Variants in GALNT13 observed in about 807,000 individuals in gnomAD.
The protein encoded by GALNT13 is UDP-GalNAc:polypeptide N-acetylgalactosaminyltransferase 13.
In GALNT13, 28 loss-of-function variants were observed where a neutral mutation model predicts 64.2. The observed-to-expected ratio is 0.44, with a 90% CI of 0.32 to 0.60. GALNT13 has a LOEUF of 0.60. GALNT13 is among the 20% of genes least tolerant of loss of function. The pLI, the probability that GALNT13 is intolerant of heterozygous loss-of-function variation, is 0.05. For missense variants in GALNT13, 577 were observed against 669.8 expected (o/e 0.86, Z 1.53); for synonymous variants, 214 against 224.6 (o/e 0.95, Z 0.42).
At chr2:153,864,411 T>G in the GALNT13 span, among the ~76,000 whole-genome samples, 1 of 152,178 alleles carries the variant, frequency 6.6e-6, no homozygotes, top group Non-Finnish European at 1.5e-5. Flanking sequence ...AGGTATTTTA[T>G]TCTCTTTGAA....
chr2:153,953,568 G>A (rs1210230278), intron 3 of GALNT13, among the ~76,000 whole-genome samples: 2 of 152,134 alleles, frequency 1.3e-5, no homozygotes, highest in Non-Finnish European at 2.9e-5. Context: ...TCTGTCATCA[G>A]TAAATACCGG....
At chr2:153,787,105 A>T in the GALNT13 span, among the ~76,000 whole-genome samples, 2 of 152,058 alleles carry the variant, frequency 1.3e-5, no homozygotes. Flanking sequence ...AGAAAACATA[A>T]ACCCTGAGAT....
At chr2:153,137,399 T>C in the GALNT13 span, among the ~76,000 whole-genome samples, 1 of 152,098 alleles carries the variant, frequency 6.6e-6, no homozygotes, top group Non-Finnish European at 1.5e-5. Flanking sequence ...CTTAAGGATC[T>C]ATCTTGATTA....
chr2:153,248,726 T>G, the GALNT13 span, among the ~76,000 whole-genome samples: 10 of 145,406 alleles, frequency 6.9e-5, no homozygotes, highest in South Asian at 1.7e-3. Flanking sequence ...TGAGGCAGGA[T>G]AATGGCGTGA....
chr2:153,737,308 T>C, the GALNT13 span, among the ~76,000 whole-genome samples: 2 of 152,318 alleles, frequency 1.3e-5, no homozygotes, highest in South Asian at 2.1e-4. Context: ...TTTTTACTCT[T>C]GTTTTCTCTA....
At chr2:154,071,986 T>C (rs1401515) in intron 3 of GALNT13, among the ~76,000 whole-genome samples, 113,800 of 152,010 alleles carry the variant, frequency 0.75, 42,981 homozygotes, top group East Asian at 0.96. Flanking sequence ...TATAGTGCTT[T>C]TGGCTGTGAG....
At chr2:153,628,000 A>G in the GALNT13 span, among the ~76,000 whole-genome samples, 2 of 152,064 alleles carry the variant, frequency 1.3e-5, no homozygotes, top group African/African-American at 2.4e-5. Context: ...ATGTTCTTCC[A>G]TTTGTTTGTA....
At chr2:153,848,161 T>G in the GALNT13 span, among the ~76,000 whole-genome samples, 1 of 152,108 alleles carries the variant, frequency 6.6e-6, no homozygotes, top group South Asian at 2.1e-4. Context: ...GTAAAACAAG[T>G]ATTTGGGGGA....
chr2:154,149,331 C>G (rs1216843103), intron 4 of GALNT13, among the ~76,000 whole-genome samples: 1 of 152,076 alleles, frequency 6.6e-6, no homozygotes, highest in East Asian at 1.9e-4. Context: ...GTTACAGTAG[C>G]CTTGTAGTAT....
intron 3 of GALNT13, among the ~76,000 whole-genome samples, chr2:154,013,527 C>T (rs1422506122): frequency 7.9e-5 from 12 of 152,022 alleles, no homozygotes; most frequent in Admixed American, 7.2e-4. Context: ...TGGGGTGGTG[C>T]ACTAGTATGG....
At chr2:153,880,048 A>G (rs939312874) in intron 1 of GALNT13, among the ~76,000 whole-genome samples, 1 of 152,180 alleles carries the variant, frequency 6.6e-6, no homozygotes, top group African/African-American at 2.4e-5. Context: ...ATAACCATAT[A>G]TACTTCAAAT....
the GALNT13 span, among the ~76,000 whole-genome samples, chr2:153,402,025 A>G: frequency 7.0e-6 from 1 of 143,136 alleles, no homozygotes. Context: ...CCTAGTCTCG[A>G]TGGTCTTTAC....
At chr2:154,406,984 A>T (rs1217726316) in intron 10 of GALNT13, among the ~76,000 whole-genome samples, 1 of 152,158 alleles carries the variant, frequency 6.6e-6, no homozygotes, top group Non-Finnish European at 1.5e-5. Context: ...TTTTGGAGCC[A>T]TTCTTAAAGG....
chr2:153,079,687 A>G, the GALNT13 span, among the ~76,000 whole-genome samples: 4 of 152,196 alleles, frequency 2.6e-5, no homozygotes, highest in Non-Finnish European at 5.9e-5. Flanking sequence ...ACTACTATCA[A>G]TAATTTCAGC....
the GALNT13 span, among the ~76,000 whole-genome samples, chr2:153,686,231 T>C: frequency 2.6e-5 from 4 of 152,090 alleles, no homozygotes; most frequent in African/African-American, 9.7e-5. Context: ...ACACATTGCT[T>C]TGGGCAGTAT....
chr2:154,143,860 C>CAA lies in GALNT13; in HGVS notation c.311+3380_311+3381dup, dbSNP rs34582475. Reference sequence around the variant, plus strand: ...TGGGTGACAGAGTAAGACTCTGTCTCAAAAAAAAAAAAAAAAAAAAAAAAA... The same window carrying CAA: ...TGGGTGACAGAGTAAGACTCTGTCTCAAAAAAAAAAAAAAAAAAAAAAAAAAA... On this transcript the variant is annotated intron_variant, in intron 4 of 12. Coordinates refer to ENST00000392825, the MANE Select transcript of GALNT13 (RefSeq NM_052917.4). Among the ~76,000 whole-genome samples, 35 of 58,890 alleles carry CAA rather than the reference C, an allele frequency of 5.9e-4. 2 individuals carry two copies. The highest frequency in any genetic ancestry group is 2.5e-3 in the South Asian group (3 of 1,212). 38.6% of individuals were successfully genotyped at this position (58,890 alleles called of 152,430 possible).
chr2:154,370,270 T>C (rs575383496), intron 9 of GALNT13, among the ~76,000 whole-genome samples: 16 of 152,228 alleles, frequency 1.1e-4, no homozygotes, highest in Admixed American at 9.2e-4. Context: ...GGGGTTTGAT[T>C]TTATCCTAAG....
At chr2:153,128,253 A>G in the GALNT13 span, among the ~76,000 whole-genome samples, 4 of 152,172 alleles carry the variant, frequency 2.6e-5, no homozygotes, top group Non-Finnish European at 5.9e-5. Context: ...AAGAGGTTTA[A>G]TGGACTTACA....
the GALNT13 span, among the ~76,000 whole-genome samples, chr2:153,322,576 A>G: frequency 0.018 from 2,721 of 152,224 alleles, 87 homozygotes; most frequent in African/African-American, 0.063. Context: ...ATAGGTATAC[A>G]TGTGCTATGG....
Sources: gnomAD v4.1 joint callset for allele counts (sites outside exome capture counted in the v4.1 genomes callset) on GRCh38, gnomAD v4.1.1 for gene constraint, MANE v1.5 for transcripts, NCBI Gene and HGNC (gene_info 2026-07-23, HGNC 2026-07-21) for gene names.